ULK4: variants seen among roughly 807,000 people sequenced by gnomAD.
ULK4 encodes the protein inactive serine/threonine-protein kinase ULK4.
Under a neutral mutation model 160.6 loss-of-function variants are expected in ULK4, and 133 were observed. That is an observed-to-expected ratio of 0.83 (90% CI 0.72 to 0.96). The LOEUF is 0.96. ULK4 is among the 40% of genes least tolerant of loss of function. The pLI is 0.00. For synonymous variants in ULK4, 534 were observed against 539.8 expected (o/e 0.99, Z 0.15); for missense variants, 1,580 against 1,499.5 (o/e 1.05, Z -0.89).
chr3:41,350,873 C>T (rs779958804), intron 35 of ULK4, among the ~76,000 whole-genome samples: 5 of 152,166 alleles, frequency 3.3e-5, no homozygotes, highest in Non-Finnish European at 7.3e-5. Context: ...TCTTCCAGCA[C>T]AGGGAAGTTC....
intron 21 of ULK4, among the ~76,000 whole-genome samples, chr3:41,754,986 T>C (rs1332735726): frequency 6.6e-6 from 1 of 152,172 alleles, no homozygotes; most frequent in Non-Finnish European, 1.5e-5. Flanking sequence ...AAGAAACGTA[T>C]ACTCCTATAA....
chr3:41,752,912 T>C lies in ULK4; in HGVS notation c.2321+1449A>G, dbSNP rs146895178. Among the ~76,000 whole-genome samples the C allele has an allele frequency of 3.9e-5, 6 of 152,312 alleles. No individual in the cohort carries two copies. The East Asian group carries it at 1.2e-3, about 29-fold the overall frequency. Reference sequence around the variant, plus strand: ...TTCAGTTAATATTGGTATATTTTTATGTCAATAAAAAACATGTGGGCTGGG... The same window carrying C: ...TTCAGTTAATATTGGTATATTTTTACGTCAATAAAAAACATGTGGGCTGGG... On this transcript the variant is annotated intron_variant, in intron 22 of 36. Transcript: ENST00000301831.
At chr3:41,417,050 C>G (rs536157600) in intron 34 of ULK4, among the ~76,000 whole-genome samples, 2 of 152,232 alleles carry the variant, frequency 1.3e-5, no homozygotes, top group African/African-American at 4.8e-5. Flanking sequence ...TGCATTAGAG[C>G]TAACAGGAAG....
At chr3:41,379,562 A>G (rs1036404234) in intron 35 of ULK4, among the ~76,000 whole-genome samples, 5 of 152,220 alleles carry the variant, frequency 3.3e-5, no homozygotes, top group Non-Finnish European at 7.3e-5. Flanking sequence ...ATACCGGTCT[A>G]GGAAGTTTGG....
intron 35 of ULK4, among the ~76,000 whole-genome samples, chr3:41,269,569 G>T (rs1047419414): frequency 6.6e-6 from 1 of 151,966 alleles, no homozygotes; most frequent in African/African-American, 2.4e-5. Context: ...GAGATACTTT[G>T]GTTCATGATA....
chr3:41,690,548 C>A (rs1448836371), intron 27 of ULK4, among the ~76,000 whole-genome samples: 1 of 151,666 alleles, frequency 6.6e-6, no homozygotes, highest in Non-Finnish European at 1.5e-5. Flanking sequence ...AACTTTTTGG[C>A]TTCTAGGCAG....
At chr3:41,739,473 T>C (rs79012710) in intron 22 of ULK4, among the ~76,000 whole-genome samples, 1,802 of 152,026 alleles carry the variant, frequency 0.012, 82 homozygotes, top group African/African-American at 0.041. Flanking sequence ...CTTCAAATAA[T>C]ACATTGTGTT....
intron 17 of ULK4, among the ~76,000 whole-genome samples, chr3:41,848,912 GC>G (rs1265256389): frequency 1.3e-5 from 2 of 152,128 alleles, no homozygotes; most frequent in African/African-American, 4.8e-5. Flanking sequence ...ACATTTCCCA[GC>G]CCCCTTAGAG....
chr3:41,880,851 A>C (rs569322052), intron 17 of ULK4, among the ~76,000 whole-genome samples: 1 of 152,182 alleles, frequency 6.6e-6, no homozygotes, highest in African/African-American at 2.4e-5. Flanking sequence ...TCAACCCGGG[A>C]GGCAGAGGTT....
intron 35 of ULK4, among the ~76,000 whole-genome samples, chr3:41,305,465 G>A (rs1272250447): frequency 6.6e-6 from 1 of 152,222 alleles, no homozygotes; most frequent in Non-Finnish European, 1.5e-5. Context: ...CAAGTGATCC[G>A]CCAGCCTCGG....
chr3:41,851,065 T>G (rs557645065), intron 17 of ULK4, among the ~76,000 whole-genome samples: 1 of 152,220 alleles, frequency 6.6e-6, no homozygotes, highest in Non-Finnish European at 1.5e-5. Context: ...GAATACCCTT[T>G]ATTTCTTTCT....
intron 31 of ULK4, among the ~76,000 whole-genome samples, chr3:41,584,104 G>T (rs531812911): frequency 1.3e-5 from 2 of 152,258 alleles, no homozygotes; most frequent in South Asian, 4.1e-4. Context: ...GACTTAATGA[G>T]AAAAACCTCT....
intron 35 of ULK4, among the ~76,000 whole-genome samples, chr3:41,360,462 C>T (rs1036195016): frequency 1.3e-5 from 2 of 152,136 alleles, no homozygotes; most frequent in Non-Finnish European, 2.9e-5. Context: ...CATACATGCA[C>T]GTGTATGCTC....
At chr3:41,388,026 C>T (rs1264276656) in intron 35 of ULK4, among the ~76,000 whole-genome samples, 4 of 152,274 alleles carry the variant, frequency 2.6e-5, no homozygotes, top group South Asian at 2.1e-4. Flanking sequence ...CACATCCTCT[C>T]CAGCACCTGT....
chr3:41,701,401 T>C (rs2036671749), intron 27 of ULK4, among the ~76,000 whole-genome samples: 1 of 152,180 alleles, frequency 6.6e-6, no homozygotes, highest in Non-Finnish European at 1.5e-5. Context: ...AACCTGTCAA[T>C]GGCAACAATT....
chr3:41,830,504 G>C (rs926086502), intron 18 of ULK4, among the ~76,000 whole-genome samples: 2 of 151,954 alleles, frequency 1.3e-5, no homozygotes, highest in Non-Finnish European at 2.9e-5. Flanking sequence ...TTCATTTTCT[G>C]TATGTAGTGA....
intron 19 of ULK4, among the ~76,000 whole-genome samples, chr3:41,810,594 C>T (rs1559570782): frequency 6.6e-6 from 1 of 152,132 alleles, no homozygotes; most frequent in Non-Finnish European, 1.5e-5. Context: ...GCAGGAGGAT[C>T]GCTTGAGCTT....
intron 12 of ULK4, among the ~76,000 whole-genome samples, chr3:41,904,718 C>A (rs765765726): frequency 6.6e-6 from 1 of 152,136 alleles, no homozygotes; most frequent in Non-Finnish European, 1.5e-5. Context: ...ATACACTTCA[C>A]ATTACATCAA....
intron 35 of ULK4, among the ~76,000 whole-genome samples, chr3:41,350,404 T>C (rs2080886284): frequency 1.3e-5 from 2 of 152,214 alleles, no homozygotes; most frequent in South Asian, 4.1e-4. Flanking sequence ...TAAACAGAAA[T>C]AATCTTTATA....
Sources: gnomAD v4.1 joint callset for allele counts (sites outside exome capture counted in the v4.1 genomes callset) on GRCh38, gnomAD v4.1.1 for gene constraint, MANE v1.5 for transcripts, NCBI Gene and HGNC (gene_info 2026-07-23, HGNC 2026-07-21) for gene names.